The following XYLT1 variants were observed in gnomAD, a reference collection of about 807,000 sequenced individuals.
XYLT1 encodes the protein xylosyltransferase 1.
A neutral mutation model predicts 91.3 loss-of-function variants in XYLT1; 36 were observed. That is an observed-to-expected ratio of 0.39 (90% CI 0.30 to 0.52). The LOEUF is 0.52. Ranked by LOEUF, XYLT1 falls within the 20% of genes least tolerant of loss-of-function variation. The pLI is 0.68. For synonymous variants in XYLT1, 588 were observed against 532.0 expected (o/e 1.11, Z -1.45); for missense variants, 1,242 against 1,284.5 (o/e 0.97, Z 0.51).
At chr16:17,223,191 T>C (rs1044867934) in intron 3 of XYLT1, among the ~76,000 whole-genome samples, 2 of 152,238 alleles carry the variant, frequency 1.3e-5, no homozygotes, top group African/African-American at 4.8e-5. Context: ...CCCGTATCCC[T>C]GTCAGATGCA....
At chr16:17,399,065 C>T (rs2035930187) in intron 1 of XYLT1, among the ~76,000 whole-genome samples, 1 of 152,084 alleles carries the variant, frequency 6.6e-6, no homozygotes, top group Non-Finnish European at 1.5e-5. Context: ...AGGGACCCCC[C>T]CGCTTCTAGT....
rs1037561189 is a variant in XYLT1 at position 17,410,021 on chromosome 16, C to T, written c.364-51971G>A. Among the ~76,000 whole-genome samples, 3 of 152,252 alleles carry T rather than the reference C, an allele frequency of 2.0e-5. No homozygotes were observed. The East Asian group carries it at 5.8e-4, about 29-fold the overall frequency. ...GGCTCTGCTGTGGGTGATCATGTCC[C>T]AACCACACGGACACTGACCAGCACA... On this transcript the variant is annotated intron_variant, in intron 1 of 11. Coordinates refer to ENST00000261381, the MANE Select transcript of XYLT1 (RefSeq NM_022166.4).
chr16:17,109,232 A>G (rs1966821481), intron 11 of XYLT1, among the ~76,000 whole-genome samples: 1 of 152,214 alleles, frequency 6.6e-6, no homozygotes, highest in South Asian at 2.1e-4. Context: ...GGCACGGTGC[A>G]TGCCTTTATT....
intron 1 of XYLT1, among the ~76,000 whole-genome samples, chr16:17,460,223 G>A (rs1180422331): frequency 6.6e-6 from 1 of 152,164 alleles, no homozygotes; most frequent in Non-Finnish European, 1.5e-5. Context: ...ACTTCCCAAT[G>A]CGTGTTATTG....
intron 3 of XYLT1, among the ~76,000 whole-genome samples, chr16:17,235,154 G>A (rs1398269790): frequency 6.6e-6 from 1 of 152,056 alleles, no homozygotes; most frequent in African/African-American, 2.4e-5. Context: ...TGGGAATGGA[G>A]GTTACTGATG....
Position 17,102,764 on chromosome 16 carries a change from A to ATTC in XYLT1, c.*5930_*5931insGAA, listed in dbSNP as rs201331567. ...TCTTTTTTTAAAACTTTATTTACAG[A>ATTC]TTTTTTTTAAAATCAACACATTACA... On this transcript the variant is annotated 3_prime_UTR_variant, in exon 12 of 12. Transcript: ENST00000261381. The ATTC allele has an allele frequency of 2.3e-5, 2 of 85,964 alleles. No homozygotes were observed. Among genetic ancestry groups the ATTC allele is most frequent in the South Asian group, 3.8e-4 (1 of 2,652 alleles). The allele number at this position is 85,964 out of a possible 1,614,324, so 5.3% of individuals were successfully genotyped here.
At position 17,450,938 on chromosome 16, in the gene XYLT1, C is replaced by T. The variant is rs964411374; in HGVS notation, c.363+19496G>A. On this transcript the variant is annotated intron_variant, in intron 1 of 11. Coordinates refer to ENST00000261381, the MANE Select transcript of XYLT1 (RefSeq NM_022166.4). ...ACATGGAGATGAGGGAGAGAAGTTCCGAGTTGGGGACATCATCATTCTGCA... is the reference window on the plus strand; with the variant it reads ...ACATGGAGATGAGGGAGAGAAGTTCTGAGTTGGGGACATCATCATTCTGCA... Among the ~76,000 whole-genome samples, 5 of 152,238 alleles carry T rather than the reference C, an allele frequency of 3.3e-5. 1 individual carries two copies. The highest frequency in any genetic ancestry group is 2.9e-5 in the Non-Finnish European group (2 of 68,016).
At chr16:17,195,981 C>T (rs1334223102) in intron 5 of XYLT1, among the ~76,000 whole-genome samples, 1 of 152,182 alleles carries the variant, frequency 6.6e-6, no homozygotes, top group Admixed American at 6.5e-5. Flanking sequence ...CAGCAATGTT[C>T]TATAACCATT....
At chr16:17,159,951 A>T (rs1396846019) in intron 5 of XYLT1, among the ~76,000 whole-genome samples, 1 of 152,206 alleles carries the variant, frequency 6.6e-6, no homozygotes, top group Non-Finnish European at 1.5e-5. Flanking sequence ...TCTGCTTCGG[A>T]ATTTTTACTT....
At chr16:17,265,816 G>A (rs2033795500) in intron 2 of XYLT1, among the ~76,000 whole-genome samples, 1 of 149,282 alleles carries the variant, frequency 6.7e-6, no homozygotes, top group Admixed American at 6.7e-5. Context: ...CTGGCCCCTT[G>A]CTCCCATTTC....
At chr16:17,414,808 C>T (rs962893687) in intron 1 of XYLT1, among the ~76,000 whole-genome samples, 32 of 152,134 alleles carry the variant, frequency 2.1e-4, no homozygotes, top group African/African-American at 7.2e-4. Context: ...CCTCAACTGC[C>T]GTTTGCTCAG....
chr16:17,134,728 G>A lies in XYLT1; in HGVS notation c.1772C>T (p.Ala591Val), dbSNP rs370394309. ...CTTGCGGGCAAAGAAGGTAGGCCGG[G>A]CTGTCTGCTGTACTCATGGGATTAA... ...PQDFHRFQQT[A>V]RPTFFARKFE... The change falls in exon 9 of 12, where the codon GCC becomes GTC. Residue 591 changes from alanine (A) to valine (V), a missense_variant. This residue lies in a region of XYLT1 where 511 missense variants were observed against 497.0 expected (regional missense o/e 1.03). Coordinates refer to ENST00000261381, the MANE Select transcript of XYLT1 (RefSeq NM_022166.4). 1 of 1,614,048 alleles carries A rather than the reference G, an allele frequency of 6.2e-7. No homozygotes were observed. The highest frequency in any genetic ancestry group is 1.6e-4 in the Middle Eastern group (1 of 6,084).
chr16:17,393,254 T>A (rs978567999), intron 1 of XYLT1, among the ~76,000 whole-genome samples: 2 of 152,230 alleles, frequency 1.3e-5, no homozygotes, highest in South Asian at 2.1e-4. Context: ...AGCAGGTGGA[T>A]CTGAAGGTGA....
chr16:17,265,587 T>A (rs2033792481), intron 2 of XYLT1, among the ~76,000 whole-genome samples: 1 of 152,244 alleles, frequency 6.6e-6, no homozygotes, highest in Non-Finnish European at 1.5e-5. Context: ...TCCATTTTTA[T>A]TCTGGAGAAA....
intron 3 of XYLT1, among the ~76,000 whole-genome samples, chr16:17,232,274 T>C (rs1003943256): frequency 5.6e-5 from 8 of 143,628 alleles, no homozygotes; most frequent in African/African-American, 2.0e-4. Flanking sequence ...TTATAATCTA[T>C]TATAATAAGA....
chr16:17,209,222 A>G (rs2032713968), intron 3 of XYLT1, among the ~76,000 whole-genome samples: 1 of 152,138 alleles, frequency 6.6e-6, no homozygotes, highest in South Asian at 2.1e-4. Flanking sequence ...TATGAATTTG[A>G]TAAGGAACCT....
At chr16:17,289,742 A>G (rs1192269668) in intron 2 of XYLT1, among the ~76,000 whole-genome samples, 1 of 152,238 alleles carries the variant, frequency 6.6e-6, no homozygotes, top group Non-Finnish European at 1.5e-5. Flanking sequence ...GCTCCAAAAA[A>G]AAGTTTGCAA....
intron 2 of XYLT1, among the ~76,000 whole-genome samples, chr16:17,325,044 C>T (rs1596482684): frequency 6.6e-6 from 1 of 151,884 alleles, no homozygotes; most frequent in East Asian, 1.9e-4. Flanking sequence ...TATGTAACTG[C>T]ATGTAGCCTC....
intron 2 of XYLT1, among the ~76,000 whole-genome samples, chr16:17,342,785 AT>A (rs1307217588): frequency 2.0e-5 from 3 of 152,154 alleles, no homozygotes; most frequent in Non-Finnish European, 2.9e-5. Context: ...AAGAGTAAGA[AT>A]TTCTGTCATG....
Sources: allele counts gnomAD v4.1 joint callset (sites outside exome capture counted in the v4.1 genomes callset), GRCh38; gene constraint gnomAD v4.1.1; regional missense constraint gnomAD v4.1.1; transcripts MANE v1.5; gene names NCBI Gene and HGNC (gene_info 2026-07-23, HGNC 2026-07-21).